Variants in EHD4 observed in about 807,000 individuals in gnomAD.
EHD4 encodes EH domain-containing protein 4.
In EHD4, 37 loss-of-function variants were observed where a neutral mutation model predicts 51.0. The observed-to-expected ratio is 0.73, with a 90% CI of 0.56 to 0.95. The LOEUF (loss-of-function observed/expected upper bound fraction) is 0.95. Ranked by LOEUF, EHD4 falls within the 40% of genes least tolerant of loss-of-function variation. EHD4 has a pLI of 0.00. For synonymous variants in EHD4, 297 were observed against 317.3 expected, an observed-to-expected ratio of 0.94 and a Z score of 0.68; for missense variants, 632 against 733.1, an observed-to-expected ratio of 0.86 and a Z score of 1.59.
At chr15:41,915,849 C>T (rs2067580625) in intron 4 of EHD4, among the ~76,000 whole-genome samples, 1 of 151,896 alleles carries the variant, frequency 6.6e-6, no homozygotes, top group Non-Finnish European at 1.5e-5. Context: ...TGAGGCTAAC[C>T]AAAAACCCAC....
chr15:41,919,828 G>C (rs1289035496), intron 3 of EHD4, among the ~76,000 whole-genome samples: 1 of 141,238 alleles, frequency 7.1e-6, no homozygotes, highest in African/African-American at 2.5e-5. Flanking sequence ...CACAGGAGGA[G>C]GGAGGAAAGA....
intron 5 of EHD4, among the ~76,000 whole-genome samples, chr15:41,907,846 GTGTGTGTGTGTGTGTGTGTGTGTGTATA>G (rs1244541657): frequency 3.4e-5 from 4 of 116,556 alleles, no homozygotes; most frequent in African/African-American, 3.8e-5. Flanking sequence ...GTGTGTGTGT[GTGTGTGTGTGTGTGTGTGTGTGTGTATA>G]TATTTATTTA....
chr15:41,919,746 G>A, intron 3 of EHD4, 124 bp from the exon 4 acceptor site: 5 of 910,392 alleles, frequency 5.5e-6, no homozygotes, highest in Non-Finnish European at 7.5e-6. Flanking sequence ...CAACCTGGAG[G>A]CAGTGGAGGC....
At chr15:41,972,046 G>T (rs761401443) in intron 1 of EHD4, among the ~76,000 whole-genome samples, 11 of 152,052 alleles carry the variant, frequency 7.2e-5, no homozygotes, top group Non-Finnish European at 1.6e-4. Context: ...AAGGAAGGAG[G>T]GCTCGGAGTG....
chr15:41,927,092 T>C (rs183844370), intron 3 of EHD4, among the ~76,000 whole-genome samples: 2 of 152,334 alleles, frequency 1.3e-5, no homozygotes, highest in African/African-American at 4.8e-5. Context: ...TTAATGAATT[T>C]CCTTCATAGC....
chr15:41,941,391 T>C (rs1013910680), intron 3 of EHD4, among the ~76,000 whole-genome samples: 3 of 152,176 alleles, frequency 2.0e-5, no homozygotes, highest in African/African-American at 7.2e-5. Context: ...CTATTAGAAA[T>C]GTGTTTGCAT....
chr15:41,913,217 G>A (rs182343794), intron 4 of EHD4, among the ~76,000 whole-genome samples: 22 of 152,262 alleles, frequency 1.4e-4, no homozygotes, highest in South Asian at 6.2e-4. Flanking sequence ...GTAAACAGAC[G>A]GGACAGCTTG....
At chr15:41,955,461 G>C (rs2067881552) in intron 1 of EHD4, among the ~76,000 whole-genome samples, 1 of 152,028 alleles carries the variant, frequency 6.6e-6, no homozygotes, top group African/African-American at 2.4e-5. Context: ...TGAGGGACGA[G>C]GACCCCCATT....
intron 1 of EHD4, among the ~76,000 whole-genome samples, chr15:41,963,296 TAA>T (rs35077069): frequency 3.2e-5 from 4 of 126,932 alleles, no homozygotes; most frequent in Admixed American, 7.8e-5. Flanking sequence ...CAATAAATAC[TAA>T]AAAAAAAAAA....
Position 41,901,116 on chromosome 15 carries a change from C to A in EHD4, c.1155G>T (p.Val385=). The part of the protein sequence containing the change: ...HSLKPKLIEA[V]DNMLSNKISP... Reference sequence around the variant, plus strand: ...AGATCTTGTTGCTCAGCATGTTGTCCACTGCCTCGATCAGCTTGGGCTTCA... The same window carrying A: ...AGATCTTGTTGCTCAGCATGTTGTCAACTGCCTCGATCAGCTTGGGCTTCA... Residue 385 remains valine, a synonymous_variant, in exon 6 of 6, where the codon GTG becomes GTT. Transcript: ENST00000220325. 1 of 1,603,826 alleles carries A rather than the reference C, an allele frequency of 6.2e-7. No individual in the cohort carries two copies. Among genetic ancestry groups the A allele is most frequent in the Non-Finnish European group, 8.5e-7 (1 of 1,175,916 alleles).
At chr15:41,950,705 A>G (rs900738440) in intron 2 of EHD4, among the ~76,000 whole-genome samples, 1 of 152,154 alleles carries the variant, frequency 6.6e-6, no homozygotes, top group Non-Finnish European at 1.5e-5. Context: ...CCTGACACAC[A>G]CTTGGCTAGA....
chr15:41,961,921 C>T (rs1000754770), intron 1 of EHD4, among the ~76,000 whole-genome samples: 1 of 152,064 alleles, frequency 6.6e-6, no homozygotes, highest in Non-Finnish European at 1.5e-5. Context: ...GACAAGCTGT[C>T]AGAATAACTT....
chr15:41,972,539 A>C lies in EHD4; in HGVS notation c.-45T>G. 6.3e-6 allele frequency: 9 copies of C among 1,428,606 alleles called. No homozygotes were observed. Among genetic ancestry groups the C allele is most frequent in the East Asian group, 2.9e-5 (1 of 34,814 alleles). The allele number at this position is 1,428,606 out of a possible 1,614,324, so 88.5% of individuals were successfully genotyped here. On this transcript the variant is annotated 5_prime_UTR_variant, in exon 1 of 6. Transcript: ENST00000220325. ...CGGATGGGACCCTGCTCCGGGTTCG[A>C]CTCTCCCCGGCTCGCACTGAGCCGC...
chr15:41,960,669 CAT>C (rs2067918487), intron 1 of EHD4, among the ~76,000 whole-genome samples: 1 of 144,132 alleles, frequency 6.9e-6, no homozygotes, highest in South Asian at 2.2e-4. Context: ...TCTTCACTTA[CAT>C]TTTTTTTTTT....
chr15:41,950,436 C>T lies in EHD4; in HGVS notation c.413+3328G>A, dbSNP rs77402964. Among the ~76,000 whole-genome samples the T allele has an allele frequency of 1.7e-3, 252 of 152,374 alleles. 7 individuals are homozygous for T. In the East Asian group the frequency reaches 0.044, roughly 26 times the overall value. On this transcript the variant is annotated intron_variant, in intron 2 of 5. Coordinates refer to ENST00000220325, the MANE Select transcript of EHD4 (RefSeq NM_139265.4). ...TTCTCCGCAGAAAACAAGCAATTTT[C>T]TTTACTAGGTGTTACATTTTGACCT...
intron 3 of EHD4, among the ~76,000 whole-genome samples, chr15:41,933,894 C>T (rs956100093): frequency 1.3e-5 from 2 of 152,166 alleles, no homozygotes; most frequent in Admixed American, 1.3e-4. Context: ...AGCATCAGGC[C>T]TCACGCCCTC....
At chr15:41,931,674 C>T (rs993145589) in intron 3 of EHD4, among the ~76,000 whole-genome samples, 1 of 151,430 alleles carries the variant, frequency 6.6e-6, no homozygotes, top group Non-Finnish European at 1.5e-5. Context: ...ATCTACTCAG[C>T]AATTTCTTTT....
intron 5 of EHD4, among the ~76,000 whole-genome samples, chr15:41,907,406 G>A (rs1299405450): frequency 6.6e-6 from 1 of 152,204 alleles, no homozygotes; most frequent in African/African-American, 2.4e-5. Context: ...TGCTCCTGGA[G>A]GCCACAACAG....
chr15:41,907,091 T>C (rs2067517550), intron 5 of EHD4, among the ~76,000 whole-genome samples: 1 of 152,114 alleles, frequency 6.6e-6, no homozygotes, highest in Non-Finnish European at 1.5e-5. Flanking sequence ...CTCCCTACAT[T>C]ATCGGGCTCA....
Sources: allele counts gnomAD v4.1 joint callset (sites outside exome capture counted in the v4.1 genomes callset), GRCh38; gene constraint gnomAD v4.1.1; transcripts MANE v1.5; gene names NCBI Gene and HGNC (gene_info 2026-07-23, HGNC 2026-07-21).